The following STX5 variants were observed in gnomAD, a reference collection of about 807,000 sequenced individuals.
The protein encoded by STX5 is syntaxin 5.
In STX5, 15 loss-of-function variants were observed where a neutral mutation model predicts 42.9. The observed-to-expected ratio is 0.35, with a 90% CI of 0.23 to 0.54. STX5 has a LOEUF of 0.54. Among genes scored for constraint, STX5 ranks in the 20% least tolerant of loss-of-function variants. The pLI is 0.91. For synonymous variants in STX5, 184 were observed against 173.2 expected (o/e 1.06, Z -0.49); for missense variants, 430 against 455.0 (o/e 0.95, Z 0.50).
chr11:62,825,369 A>G (rs768490438), intron 6 of STX5, 30 bp from the exon 7 acceptor site: 4 of 1,614,108 alleles, frequency 2.5e-6, no homozygotes, highest in Non-Finnish European at 3.4e-6. Flanking sequence ...GGTCAACCAA[A>G]GAAGGCTCCA....
chr11:62,823,755 C>T (rs1037256863), intron 10 of STX5, among the ~76,000 whole-genome samples: 3 of 151,934 alleles, frequency 2.0e-5, no homozygotes, highest in African/African-American at 7.3e-5. Flanking sequence ...CTTTGTTGCC[C>T]AAACTGGTCT....
chr11:62,814,060 A>C (rs1266196062), intron 10 of STX5, among the ~76,000 whole-genome samples: 1 of 152,124 alleles, frequency 6.6e-6, no homozygotes, highest in Admixed American at 6.6e-5. Context: ...ACATATTTGG[A>C]ACAACTTGAG....
intron 10 of STX5, among the ~76,000 whole-genome samples, chr11:62,809,061 G>C (rs1408957429): frequency 6.6e-6 from 1 of 152,024 alleles, no homozygotes; most frequent in African/African-American, 2.4e-5. Flanking sequence ...GGCCGAGGCA[G>C]GCCGATCACG....
chr11:62,821,854 T>C (rs940652376), intron 10 of STX5, among the ~76,000 whole-genome samples: 4 of 152,040 alleles, frequency 2.6e-5, no homozygotes, highest in African/African-American at 7.2e-5. Context: ...GGTGAAACCC[T>C]GTCTCCACTA....
intron 2 of STX5, 125 bp downstream of exon 2, chr11:62,830,872 GCTTATAGCAGACCCTACAGGCC>G: frequency 1.3e-6 from 1 of 796,916 alleles, no homozygotes; most frequent in Non-Finnish European, 2.1e-6. Flanking sequence ...CTTCTCTGTT[GCTTATAGCAGACCCTACAGGCC>G]CCATCCAAGC....
intron 5 of STX5, among the ~76,000 whole-genome samples, chr11:62,826,166 A>G (rs1239877507): frequency 2.0e-5 from 3 of 151,976 alleles, no homozygotes; most frequent in Admixed American, 2.0e-4. Flanking sequence ...AGGCAAAAGA[A>G]TCGTTTTGAA....
intron 10 of STX5, among the ~76,000 whole-genome samples, chr11:62,819,940 T>A (rs2084720252): frequency 6.6e-6 from 1 of 151,062 alleles, no homozygotes; most frequent in South Asian, 2.1e-4. Context: ...GAACCTCAAA[T>A]GATCCACCCG....
Position 62,825,305 on chromosome 11 carries a change from G to C in STX5, c.575C>G (p.Ser192Trp). 1.9e-6 allele frequency: 3 copies of C among 1,614,048 alleles called. No individual in the cohort carries two copies. The highest frequency in any genetic ancestry group is 2.5e-6 in the Non-Finnish European group (3 of 1,180,024). Reference protein sequence around the residue: ...KLASMSNDFKSVLEVRTENLK... With the variant: ...KLASMSNDFKWVLEVRTENLK... ...CACCTCTGTCCTCACTTCTAAAACCGATTTGAAGTCATTGGACATAGAAGC... is the reference window on the plus strand; with the variant it reads ...CACCTCTGTCCTCACTTCTAAAACCCATTTGAAGTCATTGGACATAGAAGC... The change falls in exon 7 of 11, where the codon TCG (serine) becomes TGG (tryptophan). Residue 192 changes from serine (S) to tryptophan (W), a missense_variant. Physicochemically the swap from Ser to Trp is radical, Grantham distance 177. Transcript: ENST00000294179.
Position 62,831,140 on chromosome 11 carries a change from C to T in STX5, c.104G>A (p.Ser35Asn), listed in dbSNP as rs764404795. The T allele has an allele frequency of 9.0e-6, 14 of 1,557,328 alleles. No homozygotes were observed. Among genetic ancestry groups the T allele is most frequent in the African/African-American group, 1.4e-5 (1 of 73,824 alleles). Residue 35 changes from serine to asparagine, a missense_variant, in exon 2 of 11, where the codon AGC (serine) becomes AAC (asparagine). Ser to Asn is a conservative substitution (Grantham distance 46). Transcript: ENST00000294179. Reference sequence around the variant, plus strand: ...GGGGGGCAGAGGGGCGATGTCGCTGCTGCTACTGCCAGCAGTTGCAGGGGA... The same window carrying T: ...GGGGGGCAGAGGGGCGATGTCGCTGTTGCTACTGCCAGCAGTTGCAGGGGA... ...VLSPATAGSSSSDIAPLPPPV... is the reference protein window; with the variant it reads ...VLSPATAGSSNSDIAPLPPPV...
In STX5 at chr11:62,816,531, T is replaced by C. The variant is rs373897316; in HGVS notation, c.908+7635A>G. ...TCTGGCCTCAAGCAATCCTCCCGCC[T>C]TGAACTCCCAGAGCACTAGGATTAA... On this transcript the variant is annotated intron_variant, in intron 10 of 10. Coordinates refer to ENST00000294179, the MANE Select transcript of STX5 (RefSeq NM_003164.5). Among the ~76,000 whole-genome samples the C allele has an allele frequency of 3.3e-5, 5 of 152,148 alleles. No homozygotes were observed. In the East Asian group the frequency reaches 9.7e-4, roughly 29 times the overall value.
intron 8 of STX5, 104 bp downstream of exon 8, chr11:62,824,932 T>C (rs2084777947): frequency 1.7e-6 from 2 of 1,188,306 alleles, no homozygotes; most frequent in African/African-American, 3.0e-5. Context: ...AGAAAATTCC[T>C]TGACCTTCCA....
At chr11:62,810,446 G>T (rs960809319) in intron 10 of STX5, among the ~76,000 whole-genome samples, 2 of 151,770 alleles carry the variant, frequency 1.3e-5, no homozygotes, top group African/African-American at 4.8e-5. Context: ...TGTCTCAAAA[G>T]AAAAGAAAAA....
chr11:62,822,353 GCT>G (rs140443536), intron 10 of STX5, among the ~76,000 whole-genome samples: 3,707 of 152,196 alleles, frequency 0.024, 138 homozygotes, highest in African/African-American at 0.085. Context: ...ACACAGCAAG[GCT>G]CTGTCTCAAA....
chr11:62,807,398 T>G lies in STX5; in HGVS notation c.*71A>C. ...TCCCAAGTACCCTGCACAGGCTCAGTGGCAGCACTGGCCACTTGCCTTCCC... is the reference window on the plus strand; with the variant it reads ...TCCCAAGTACCCTGCACAGGCTCAGGGGCAGCACTGGCCACTTGCCTTCCC... On this transcript the variant is annotated 3_prime_UTR_variant, in exon 11 of 11. Coordinates refer to ENST00000294179, the MANE Select transcript of STX5 (RefSeq NM_003164.5). 6.4e-7 allele frequency: 1 copy of G among 1,571,050 alleles called. No individual in the cohort carries two copies. The highest frequency in any genetic ancestry group is 1.4e-5 in the African/African-American group (1 of 73,864).
chr11:62,819,295 A>G (rs2134832411), intron 10 of STX5, among the ~76,000 whole-genome samples: 1 of 149,774 alleles, frequency 6.7e-6, no homozygotes, highest in Non-Finnish European at 1.5e-5. Context: ...AGTTAGTGAA[A>G]AAGATTTCAG....
In STX5 at chr11:62,807,393, C is replaced by T. The variant is rs2084563341; in HGVS notation, c.*76G>A. 5.8e-6 allele frequency: 9 copies of T among 1,562,330 alleles called. No individual in the cohort carries two copies. The highest frequency in any genetic ancestry group is 7.8e-6 in the Non-Finnish European group (9 of 1,152,374). On this transcript the variant is annotated 3_prime_UTR_variant, in exon 11 of 11. Coordinates refer to ENST00000294179, the MANE Select transcript of STX5 (RefSeq NM_003164.5). The stretch of plus-strand genomic sequence containing the variant: ...CTTTCTCCCAAGTACCCTGCACAGG[C>T]TCAGTGGCAGCACTGGCCACTTGCC...
chr11:62,828,387 A>C (rs940454477), intron 2 of STX5, among the ~76,000 whole-genome samples: 6 of 152,332 alleles, frequency 3.9e-5, no homozygotes, highest in Admixed American at 6.5e-5. Flanking sequence ...TGCTGGGATT[A>C]CAGGTGCCAG....
At chr11:62,823,375 TG>T (rs2134843013) in intron 10 of STX5, among the ~76,000 whole-genome samples, 1 of 152,078 alleles carries the variant, frequency 6.6e-6, no homozygotes, top group South Asian at 2.1e-4. Flanking sequence ...GGTTTCACCA[TG>T]TTGCCCAGGC....
At chr11:62,822,603 T>G (rs946605821) in intron 10 of STX5, among the ~76,000 whole-genome samples, 2 of 152,002 alleles carry the variant, frequency 1.3e-5, no homozygotes, top group Non-Finnish European at 2.9e-5. Flanking sequence ...CCAAGTGTGA[T>G]GCCACCTTCT....
Sources: allele counts gnomAD v4.1 joint callset (sites outside exome capture counted in the v4.1 genomes callset), GRCh38; gene constraint gnomAD v4.1.1; transcripts MANE v1.5; gene names NCBI Gene and HGNC (gene_info 2026-07-23, HGNC 2026-07-21).